Variants in MID1 observed in about 807,000 individuals in gnomAD.
The protein encoded by MID1 is midline 1, also known as E3 ubiquitin-protein ligase Midline-1.
In MID1, 7 loss-of-function variants were observed where a neutral mutation model predicts 40.4. The observed-to-expected ratio is 0.17, with a 90% CI of 0.10 to 0.33. MID1 has a LOEUF of 0.33. MID1 is among the 10% of genes least tolerant of loss of function. MID1 has a pLI of 1.00. For missense variants in MID1, 367 were observed against 558.5 expected (o/e 0.66, Z 3.46); for synonymous variants, 229 against 221.2 (o/e 1.04, Z -0.31).
intron 1 of MID1, among the ~76,000 whole-genome samples, chrX:10,776,148 T>G (rs1371641027): frequency 8.9e-6 from 1 of 112,278 alleles, no homozygotes; most frequent in African/African-American, 3.2e-5. Context: ...CGTAGCAGTT[T>G]GTGCCTTTTT....
intron 8 of MID1, among the ~76,000 whole-genome samples, chrX:10,459,156 A>C: frequency 9.0e-6 from 1 of 110,919 alleles, no homozygotes; most frequent in Non-Finnish European, 1.9e-5. Context: ...CCTCTTCCAG[A>C]TATTACTAAA....
At chrX:10,456,237 T>TACAA (rs1468361608) in intron 8 of MID1, among the ~76,000 whole-genome samples, 13 of 112,417 alleles carry the variant, frequency 1.2e-4, no homozygotes, top group African/African-American at 2.6e-4. Context: ...GCCTTTTGGA[T>TACAA]ACAAACACAA....
intron 3 of MID1, among the ~76,000 whole-genome samples, chrX:10,510,001 G>A (rs1932034152): frequency 8.9e-6 from 1 of 112,158 alleles, no homozygotes; most frequent in African/African-American, 3.2e-5. Context: ...AATTCACTAT[G>A]TAGTTTCCCT....
chrX:10,696,716 T>A (rs1318503816), intron 1 of MID1, among the ~76,000 whole-genome samples: 1 of 112,331 alleles, frequency 8.9e-6, no homozygotes, highest in Non-Finnish European at 1.9e-5. Context: ...TGTTTTAATG[T>A]TGCTACCTGA....
chrX:10,649,412 T>A (rs1343890061), intron 1 of MID1, among the ~76,000 whole-genome samples: 1 of 112,115 alleles, frequency 8.9e-6, no homozygotes, highest in East Asian at 2.8e-4. Flanking sequence ...GATGTGAGAA[T>A]ATGCTGAAGG....
chrX:10,605,960 G>A (rs904576709), intron 1 of MID1, among the ~76,000 whole-genome samples: 8 of 110,853 alleles, frequency 7.2e-5, no homozygotes, highest in African/African-American at 2.0e-4. Context: ...TTGGCTTAGC[G>A]TTCCCGGGAG....
chrX:10,654,535 C>T (rs1013986207), intron 1 of MID1, among the ~76,000 whole-genome samples: 3 of 111,588 alleles, frequency 2.7e-5, no homozygotes, highest in African/African-American at 9.8e-5. Flanking sequence ...CTCGCATGCA[C>T]GGTTCACAAT....
intron 1 of MID1, among the ~76,000 whole-genome samples, chrX:10,582,298 C>G (rs1981547): frequency 0.021 from 2,387 of 111,473 alleles, 27 homozygotes; most frequent in Non-Finnish European, 0.034. Flanking sequence ...TCCCCTGGCG[C>G]GAGATACTAC....
At chrX:10,547,714 C>T (rs1933753707) in intron 2 of MID1, among the ~76,000 whole-genome samples, 3 of 109,739 alleles carry the variant, frequency 2.7e-5, no homozygotes, top group South Asian at 7.8e-4. Context: ...AATGAACAAA[C>T]CAGGCATTCT....
chrX:10,457,548 A>G (rs987401316), intron 8 of MID1, among the ~76,000 whole-genome samples: 1 of 112,329 alleles, frequency 8.9e-6, no homozygotes, highest in Admixed American at 9.4e-5. Context: ...CAACTCTTTC[A>G]ATAATCTTTT....
chrX:10,538,646 T>C (rs1933354443), intron 2 of MID1, among the ~76,000 whole-genome samples: 1 of 111,770 alleles, frequency 8.9e-6, no homozygotes. Flanking sequence ...AAAATGAACA[T>C]TCAACTTCAG....
At chrX:10,735,407 G>A (rs923778466) in intron 1 of MID1, among the ~76,000 whole-genome samples, 2 of 111,868 alleles carry the variant, frequency 1.8e-5, no homozygotes, top group Admixed American at 1.9e-4. Context: ...TGGCCTATAG[G>A]GATTTTTAAA....
At chrX:10,597,887 C>T (rs187766320) in intron 1 of MID1, among the ~76,000 whole-genome samples, 9 of 111,566 alleles carry the variant, frequency 8.1e-5, no homozygotes, top group Non-Finnish European at 1.5e-4. Context: ...GTGATAACCC[C>T]ATGGTCAGCA....
At chrX:10,740,293 A>G (rs771629389) in intron 1 of MID1, among the ~76,000 whole-genome samples, 1 of 113,114 alleles carries the variant, frequency 8.8e-6, no homozygotes, top group Non-Finnish European at 1.9e-5. Context: ...GAATTTTCCC[A>G]ACATTGCTAT....
intron 7 of MID1, among the ~76,000 whole-genome samples, chrX:10,463,049 A>G (rs1486364309): frequency 2.7e-5 from 3 of 112,359 alleles, no homozygotes; most frequent in Non-Finnish European, 5.6e-5. Context: ...TGGGGAAAGG[A>G]CCCAATTTAA....
At chrX:10,498,644 A>G (rs151295884) in intron 3 of MID1, among the ~76,000 whole-genome samples, 4,834 of 111,550 alleles carry the variant, frequency 0.043, 247 homozygotes, top group African/African-American at 0.14. Flanking sequence ...CGAGGCAACC[A>G]CTAGTCTACT....
intron 1 of MID1, among the ~76,000 whole-genome samples, chrX:10,699,232 A>G (rs1265232520): frequency 8.9e-6 from 1 of 111,837 alleles, no homozygotes; most frequent in Non-Finnish European, 1.9e-5. Flanking sequence ...TCTCAACATG[A>G]TGTTGGCCCT....
chrX:10,548,518 T>G (rs1261579002), intron 2 of MID1, among the ~76,000 whole-genome samples: 1 of 112,377 alleles, frequency 8.9e-6, no homozygotes. Context: ...GCACTTTTAT[T>G]GAATGTGTTA....
rs995979529 is a variant in MID1, at chrX:10,708,494, T to G, written c.-186-88075A>C. ...ACCAGGGCAAAAAGAAAAGGGGAAA[T>G]GAGGGGGCAAAAAGAAAAGGGGAAA... On this transcript the variant is annotated intron_variant, in intron 1 of 10. Coordinates refer to the MID1 transcript ENST00000380785. 3.7e-5 allele frequency among the ~76,000 whole-genome samples: 4 copies of G among 109,435 alleles called. No homozygotes were observed. The Admixed American group carries it at 3.9e-4, about 11-fold the overall frequency.
Sources: allele counts gnomAD v4.1 joint callset (sites outside exome capture counted in the v4.1 genomes callset), GRCh38; gene constraint gnomAD v4.1.1; transcripts MANE v1.5; gene names NCBI Gene and HGNC (gene_info 2026-07-23, HGNC 2026-07-21).